Variants in NR6A1 observed in about 807,000 individuals in gnomAD.
NR6A1 encodes the protein retinoic acid receptor-related testis-associated receptor.
Under a neutral mutation model 59.1 loss-of-function variants are expected in NR6A1, and 7 were observed. That is an observed-to-expected ratio of 0.12 (90% confidence interval 0.07 to 0.22). NR6A1 has a LOEUF of 0.22. Among genes scored for constraint, NR6A1 ranks in the 10% least tolerant of loss-of-function variants. The pLI is 1.00. For synonymous variants in NR6A1, 243 were observed against 236.1 expected, an observed-to-expected ratio of 1.03 and a Z score of -0.27; for missense variants, 468 against 611.6, an observed-to-expected ratio of 0.77 and a Z score of 2.48.
intron 6 of NR6A1, 82 bp from the exon 7 acceptor site, chr9:124,536,214 G>T: frequency 6.8e-7 from 1 of 1,480,654 alleles, no homozygotes; most frequent in Non-Finnish European, 9.1e-7. Flanking sequence ...AGTCCCAAGG[G>T]CACAAAGGGA....
At chr9:124,660,648 C>CAAAAAAAAAAAAAAA in intron 2 of NR6A1, among the ~76,000 whole-genome samples, 1 of 92,818 alleles carries the variant, frequency 1.1e-5, no homozygotes, top group Non-Finnish European at 2.2e-5. Context: ...TCTGAGAATA[C>CAAAAAAAAAAAAAAA]AAAAAAAAAA....
At chr9:124,692,397 T>C (rs1016033663) in intron 2 of NR6A1, 1 of 500,606 alleles carries the variant, frequency 2.0e-6, no homozygotes, top group Non-Finnish European at 4.2e-6. Flanking sequence ...CCATCAGCGG[T>C]GGTCTCACTG....
chr9:124,700,699 G>A (rs1271657308), intron 2 of NR6A1, among the ~76,000 whole-genome samples: 1 of 149,070 alleles, frequency 6.7e-6, no homozygotes, highest in African/African-American at 2.5e-5. Context: ...TTGTTTCCAG[G>A]TTTGGGCTAT....
chr9:124,542,341 T>C (rs1258764753), intron 4 of NR6A1, among the ~76,000 whole-genome samples: 4 of 152,250 alleles, frequency 2.6e-5, no homozygotes. Context: ...GAATGTACGC[T>C]GTGCTCATAT....
At chr9:124,552,326 CAAT>C (rs1833803034) in intron 3 of NR6A1, among the ~76,000 whole-genome samples, 1 of 151,998 alleles carries the variant, frequency 6.6e-6, no homozygotes, top group Non-Finnish European at 1.5e-5. Context: ...GAAAAGATTT[CAAT>C]AAGAGGAAAC....
intron 2 of NR6A1, among the ~76,000 whole-genome samples, chr9:124,631,357 C>G (rs1370550142): frequency 6.6e-6 from 1 of 152,168 alleles, no homozygotes; most frequent in African/African-American, 2.4e-5. Context: ...ATACAAGGAT[C>G]ATTGGTAATT....
chr9:124,582,571 T>G (rs931601658), intron 2 of NR6A1, among the ~76,000 whole-genome samples: 1 of 151,414 alleles, frequency 6.6e-6, no homozygotes, highest in East Asian at 1.9e-4. Flanking sequence ...ACCCCTGAAC[T>G]TAAAAGTTAA....
At chr9:124,765,150 A>C (rs192492872) in intron 1 of NR6A1, among the ~76,000 whole-genome samples, 3 of 152,344 alleles carry the variant, frequency 2.0e-5, no homozygotes, top group Admixed American at 1.3e-4. Flanking sequence ...ATTTAGTATA[A>C]GACGTAAGAA....
chr9:124,635,428 A>G (rs1836579942), intron 2 of NR6A1, among the ~76,000 whole-genome samples: 1 of 152,084 alleles, frequency 6.6e-6, no homozygotes, highest in Admixed American at 6.6e-5. Flanking sequence ...ATGATTCTAT[A>G]AGGGGCTTCC....
chr9:124,562,939 G>C (rs933326380), intron 2 of NR6A1, among the ~76,000 whole-genome samples: 1 of 152,168 alleles, frequency 6.6e-6, no homozygotes. Flanking sequence ...TGAGGATAAA[G>C]AGATTTATAA....
chr9:124,647,589 G>A (rs1836968626), intron 2 of NR6A1, among the ~76,000 whole-genome samples: 1 of 151,900 alleles, frequency 6.6e-6, no homozygotes, highest in African/African-American at 2.4e-5. Flanking sequence ...TTAGCTGGGC[G>A]TGGTGGCACA....
intron 1 of NR6A1, among the ~76,000 whole-genome samples, chr9:124,747,703 A>G (rs940984597): frequency 2.6e-5 from 4 of 152,100 alleles, no homozygotes; most frequent in African/African-American, 7.2e-5. Flanking sequence ...TCATCCCCCA[A>G]GCCAGAGATC....
intron 2 of NR6A1, among the ~76,000 whole-genome samples, chr9:124,587,047 G>A (rs531583323): frequency 7.2e-5 from 11 of 152,232 alleles, no homozygotes; most frequent in Admixed American, 2.0e-4. Flanking sequence ...TTTAAGAAAC[G>A]GCCATAGCCA....
intron 2 of NR6A1, among the ~76,000 whole-genome samples, chr9:124,573,801 A>G (rs1168496046): frequency 6.6e-6 from 1 of 152,192 alleles, no homozygotes; most frequent in African/African-American, 2.4e-5. Flanking sequence ...CTCAAAAACC[A>G]CTGTTTTTTA....
intron 2 of NR6A1, among the ~76,000 whole-genome samples, chr9:124,731,490 G>A (rs897721854): frequency 2.6e-5 from 4 of 151,980 alleles, no homozygotes; most frequent in Non-Finnish European, 5.9e-5. Flanking sequence ...CGAATAACAC[G>A]TTTCAACTAC....
At chr9:124,767,718 T>C (rs951976622) in intron 1 of NR6A1, among the ~76,000 whole-genome samples, 5 of 152,138 alleles carry the variant, frequency 3.3e-5, no homozygotes, top group African/African-American at 1.2e-4. Flanking sequence ...AGCATAAACA[T>C]TTGGACGGCA....
rs374278237 is a variant in NR6A1 at position 124,521,957 on chromosome 9, T to C, written c.*748A>G. 3.5e-4 allele frequency: 53 copies of C among 152,312 alleles called. No individual in the cohort carries two copies. Among genetic ancestry groups the C allele is most frequent in the African/African-American group, 1.2e-3 (51 of 41,512 alleles). The allele number at this position is 152,312 out of a possible 1,614,324, so 9.4% of individuals were successfully genotyped here. A position where few individuals can be genotyped will look rare whatever the true frequency, so the allele number is the denominator to read the frequency against. ...ATGGAAAGTTCGCAGTGGTAGACAATGATGGTGGTGCAGGGGTAAGGGGGG... is the reference window on the plus strand; with the variant it reads ...ATGGAAAGTTCGCAGTGGTAGACAACGATGGTGGTGCAGGGGTAAGGGGGG... On this transcript the variant is annotated 3_prime_UTR_variant, in exon 10 of 10. Coordinates refer to ENST00000487099, the MANE Select transcript of NR6A1 (RefSeq NM_033334.4).
chr9:124,585,357 G>A (rs1429884020), intron 2 of NR6A1, among the ~76,000 whole-genome samples: 1 of 152,000 alleles, frequency 6.6e-6, no homozygotes, highest in South Asian at 2.1e-4. Flanking sequence ...TGGCTAACAC[G>A]GTGAAACCCC....
chr9:124,725,511 C>T, intron 2 of NR6A1, among the ~76,000 whole-genome samples: 1 of 152,220 alleles, frequency 6.6e-6, no homozygotes, highest in East Asian at 1.9e-4. Context: ...CTGCCATGCA[C>T]AACTGGAAAT....
Sources: allele counts gnomAD v4.1 joint callset (sites outside exome capture counted in the v4.1 genomes callset), GRCh38; gene constraint gnomAD v4.1.1; transcripts MANE v1.5; gene names NCBI Gene and HGNC (gene_info 2026-07-23, HGNC 2026-07-21).